The following JDP2 variants were observed in gnomAD, a reference collection of about 807,000 sequenced individuals.
JDP2 encodes progesterone receptor co-activator.
JDP2 carries 9 observed loss-of-function variants against 17.1 expected under a neutral mutation model. The ratio of observed to expected loss-of-function variants is 0.53; its 90% CI spans 0.32 to 0.92. JDP2 has a LOEUF of 0.92. Among genes scored for constraint, JDP2 ranks in the 40% least tolerant of loss-of-function variants. The pLI is 0.04. For synonymous variants in JDP2, 107 were observed against 95.6 expected (o/e 1.12, Z -0.69); for missense variants, 179 against 220.0 (o/e 0.81, Z 1.18).
intron 2 of JDP2, among the ~76,000 whole-genome samples, chr14:75,451,966 C>T (rs528991760): frequency 3.5e-4 from 54 of 152,288 alleles, no homozygotes; most frequent in African/African-American, 5.3e-4. Flanking sequence ...TTGCCCAGGC[C>T]GGAGTGCAGT....
rs1886853955 is a variant in JDP2 at position 75,473,516 on chromosome 14, A to G, written c.*4041A>G. On this transcript the variant is annotated 3_prime_UTR_variant, in exon 4 of 4. Transcript: ENST00000651602. ...CTAGCACAGGGGCAAAAGGAAATGT[A>G]CAAGAATGTTCACTGATGGCTTTGT... 6.6e-6 allele frequency: 1 copy of G among 152,240 alleles called. No homozygotes were observed. The highest frequency in any genetic ancestry group is 2.4e-5 in the African/African-American group (1 of 41,470). The allele number at this position is 152,240 out of a possible 1,614,324, so 9.4% of individuals were successfully genotyped here. A position where few individuals can be genotyped will look rare whatever the true frequency, so the allele number is the denominator to read the frequency against.
At chr14:75,456,317 G>C (rs1033704108) in intron 2 of JDP2, among the ~76,000 whole-genome samples, 1 of 152,164 alleles carries the variant, frequency 6.6e-6, no homozygotes. Flanking sequence ...CTGCCTCTGT[G>C]TCTCTCTCTC....
At chr14:75,460,992 G>T (rs1248145250) in intron 2 of JDP2, among the ~76,000 whole-genome samples, 1 of 152,162 alleles carries the variant, frequency 6.6e-6, no homozygotes, top group African/African-American at 2.4e-5. Flanking sequence ...TAGGGCAGAA[G>T]GTGGGAAAGC....
chr14:75,431,810 T>G (rs1884810378), intron 1 of JDP2, among the ~76,000 whole-genome samples: 1 of 152,230 alleles, frequency 6.6e-6, no homozygotes, highest in Non-Finnish European at 1.5e-5. Context: ...GAAGGGACCT[T>G]GAGGGGTCAT....
chr14:75,444,680 ATTAAGTGAGGTGC>A (rs1885513601), intron 2 of JDP2, among the ~76,000 whole-genome samples: 1 of 152,212 alleles, frequency 6.6e-6, no homozygotes, highest in Non-Finnish European at 1.5e-5. Flanking sequence ...CATCGCGAAG[ATTAAGTGAGGTGC>A]TGTGTGAAAG....
At chr14:75,456,050 A>C (rs899176933) in intron 2 of JDP2, among the ~76,000 whole-genome samples, 12 of 152,072 alleles carry the variant, frequency 7.9e-5, no homozygotes, top group Admixed American at 2.0e-4. Context: ...GCATCACCTG[A>C]CCTCCAAGGG....
At chr14:75,468,378 G>C (rs1886659943) in intron 3 of JDP2, among the ~76,000 whole-genome samples, 1 of 152,072 alleles carries the variant, frequency 6.6e-6, no homozygotes, top group African/African-American at 2.4e-5. Flanking sequence ...GAGAACCACT[G>C]GTCTGAAACT....
intron 2 of JDP2, among the ~76,000 whole-genome samples, chr14:75,455,933 C>G (rs1302780777): frequency 6.6e-6 from 1 of 152,218 alleles, no homozygotes; most frequent in African/African-American, 2.4e-5. Flanking sequence ...AAGGGCCCTT[C>G]CGCATCCAGG....
intron 2 of JDP2, among the ~76,000 whole-genome samples, chr14:75,440,693 C>T (rs1322255477): frequency 2.0e-5 from 3 of 152,110 alleles, no homozygotes; most frequent in Admixed American, 2.0e-4. Context: ...GAAGTGATAG[C>T]GCTGGGGCCT....
intron 2 of JDP2, among the ~76,000 whole-genome samples, chr14:75,443,470 T>G (rs1885452359): frequency 1.3e-5 from 2 of 152,214 alleles, no homozygotes; most frequent in East Asian, 1.9e-4. Flanking sequence ...CAATCTGTCC[T>G]CTCTTGGAAC....
intron 3 of JDP2, among the ~76,000 whole-genome samples, chr14:75,466,586 G>A (rs1486962347): frequency 6.6e-6 from 1 of 152,204 alleles, no homozygotes; most frequent in Non-Finnish European, 1.5e-5. Context: ...ACCCTACACT[G>A]CACTGATCTT....
chr14:75,443,845 AG>A (rs1885468681), intron 2 of JDP2, among the ~76,000 whole-genome samples: 1 of 152,154 alleles, frequency 6.6e-6, no homozygotes, highest in Non-Finnish European at 1.5e-5. Flanking sequence ...ACAGCTTCTT[AG>A]GTTTTCTATT....
chr14:75,442,747 A>C (rs529718191), intron 2 of JDP2, among the ~76,000 whole-genome samples: 1 of 152,282 alleles, frequency 6.6e-6, no homozygotes, highest in African/African-American at 2.4e-5. Context: ...GACCTCACCC[A>C]AGGTCCATGG....
chr14:75,445,581 G>A (rs1885560259), intron 2 of JDP2: 1 of 985,276 alleles, frequency 1.0e-6, no homozygotes, highest in Admixed American at 6.1e-5. Context: ...GAGTTCACTA[G>A]ATGTTTGAAA....
intron 2 of JDP2, among the ~76,000 whole-genome samples, chr14:75,455,161 A>G (rs145117704): frequency 2.0e-5 from 3 of 152,284 alleles, no homozygotes; most frequent in East Asian, 3.9e-4. Context: ...CATGTACTGC[A>G]TACAGATCCT....
chr14:75,454,872 C>T (rs1034029614), intron 2 of JDP2, among the ~76,000 whole-genome samples: 4 of 151,862 alleles, frequency 2.6e-5, no homozygotes, highest in African/African-American at 9.7e-5. Flanking sequence ...CAGGTTTTCT[C>T]GGTTCTGTGG....
At chr14:75,453,556 C>T (rs1248998568) in intron 2 of JDP2, among the ~76,000 whole-genome samples, 1 of 152,254 alleles carries the variant, frequency 6.6e-6, no homozygotes, top group African/African-American at 2.4e-5. Flanking sequence ...GCTGGCATCA[C>T]GGAACTCTTC....
At chr14:75,447,324 G>A (rs986133263) in intron 2 of JDP2, among the ~76,000 whole-genome samples, 2 of 152,298 alleles carry the variant, frequency 1.3e-5, no homozygotes, top group South Asian at 2.1e-4. Context: ...TTTTGTAGAC[G>A]TCATCTCTGA....
intron 2 of JDP2, among the ~76,000 whole-genome samples, chr14:75,438,629 C>T (rs1016131792): frequency 3.3e-5 from 5 of 152,216 alleles, no homozygotes; most frequent in Admixed American, 1.3e-4. Flanking sequence ...GGAAGAGTAG[C>T]GTGGCCTCCC....
Sources: gnomAD v4.1 joint callset for allele counts (sites outside exome capture counted in the v4.1 genomes callset) on GRCh38, gnomAD v4.1.1 for gene constraint, MANE v1.5 for transcripts, NCBI Gene and HGNC (gene_info 2026-07-23, HGNC 2026-07-21) for gene names.